The following EPHA3 variants were observed in gnomAD, a reference collection of about 807,000 sequenced individuals.
EPHA3 encodes the protein ephrin type-A receptor 3.
EPHA3 carries 42 observed loss-of-function variants against 107.1 expected under a neutral mutation model. The observed-to-expected ratio is 0.39, with a 90% CI of 0.31 to 0.51. The LOEUF is 0.51. Among genes scored for constraint, EPHA3 ranks in the 20% least tolerant of loss-of-function variants. The probability of loss-of-function intolerance (pLI) is 0.78; values close to 1 mark genes in which losing one functional copy is unlikely to be tolerated. For synonymous variants in EPHA3, 461 were observed against 424.8 expected (o/e 1.09, Z -1.05); for missense variants, 1,183 against 1,211.2 (o/e 0.98, Z 0.35).
At chr3:89,368,719 A>G (rs191792541) in intron 5 of EPHA3, among the ~76,000 whole-genome samples, 9 of 150,464 alleles carry the variant, frequency 6.0e-5, no homozygotes, top group Admixed American at 2.0e-4. Flanking sequence ...GGGTTGGATG[A>G]TGCCCACCCA....
intron 3 of EPHA3, among the ~76,000 whole-genome samples, chr3:89,305,718 T>G (rs1335253802): frequency 6.6e-6 from 1 of 152,104 alleles, no homozygotes; most frequent in Non-Finnish European, 1.5e-5. Context: ...CTGCTTCCAC[T>G]TTCACATTAT....
At chr3:89,283,138 G>A (rs1421872386) in intron 3 of EPHA3, among the ~76,000 whole-genome samples, 1 of 152,086 alleles carries the variant, frequency 6.6e-6, no homozygotes. Context: ...GCATGAACAA[G>A]TTTTAACTAT....
At chr3:89,115,600 C>T (rs1417165010) in intron 1 of EPHA3, among the ~76,000 whole-genome samples, 2 of 152,160 alleles carry the variant, frequency 1.3e-5, no homozygotes, top group Non-Finnish European at 2.9e-5. Flanking sequence ...AATATATCCT[C>T]AGTGCCGTGT....
intron 5 of EPHA3, among the ~76,000 whole-genome samples, chr3:89,351,862 G>T: frequency 6.8e-6 from 1 of 146,894 alleles, no homozygotes; most frequent in South Asian, 2.1e-4. Flanking sequence ...AACATATACT[G>T]ATATAATATA....
chr3:89,265,031 G>A (rs1360257263), intron 3 of EPHA3, among the ~76,000 whole-genome samples: 2 of 151,946 alleles, frequency 1.3e-5, no homozygotes, highest in African/African-American at 4.8e-5. Context: ...AGACAGAATT[G>A]CAGACATTTA....
chr3:89,313,327 C>T (rs1330895260), intron 3 of EPHA3, among the ~76,000 whole-genome samples: 1 of 151,912 alleles, frequency 6.6e-6, no homozygotes, highest in Non-Finnish European at 1.5e-5. Flanking sequence ...TTCATTCCCT[C>T]ACATTTAATT....
chr3:89,141,012 C>G (rs1203096366), intron 2 of EPHA3, among the ~76,000 whole-genome samples: 1 of 151,524 alleles, frequency 6.6e-6, no homozygotes, highest in East Asian at 1.9e-4. Flanking sequence ...CAAGAGAGAA[C>G]AGTAAGGCCC....
chr3:89,277,773 T>C (rs958543199), intron 3 of EPHA3, among the ~76,000 whole-genome samples: 1 of 152,158 alleles, frequency 6.6e-6, no homozygotes, highest in Admixed American at 6.6e-5. Context: ...GACTATTCCT[T>C]TTCCCATTTA....
At chr3:89,183,558 C>G (rs1389436701) in intron 2 of EPHA3, among the ~76,000 whole-genome samples, 1 of 151,684 alleles carries the variant, frequency 6.6e-6, no homozygotes, top group African/African-American at 2.4e-5. Context: ...ATAATTATTG[C>G]CTAAAGTTCT....
rs544895253 is a variant in EPHA3 at position 89,348,011 on chromosome 3, A to T, written c.1306+5921A>T. Among the ~76,000 whole-genome samples, 236 of 150,152 alleles carry T rather than the reference A, an allele frequency of 1.6e-3. 1 individual carries two copies. The highest frequency in any genetic ancestry group is 5.4e-3 in the African/African-American group (221 of 41,004). ...GCTTTTTGATGTGCTGCTGGATTCG[A>T]TTTGCCAGTATTTTATTGAGGATTT... On this transcript the variant is annotated intron_variant, in intron 5 of 16. Coordinates refer to ENST00000336596, the MANE Select transcript of EPHA3 (RefSeq NM_005233.6).
At chr3:89,171,189 T>C (rs1031055120) in intron 2 of EPHA3, among the ~76,000 whole-genome samples, 22 of 152,180 alleles carry the variant, frequency 1.4e-4, no homozygotes, top group African/African-American at 4.3e-4. Context: ...TGAACTGTTA[T>C]ATAGCAGGCT....
chr3:89,133,873 G>C (rs1704256289), intron 2 of EPHA3, among the ~76,000 whole-genome samples: 1 of 152,006 alleles, frequency 6.6e-6, no homozygotes, highest in Non-Finnish European at 1.5e-5. Flanking sequence ...TGCAAGTTTG[G>C]CTTTGGGAAG....
chr3:89,295,072 T>C (rs1257885746), intron 3 of EPHA3, among the ~76,000 whole-genome samples: 1 of 152,152 alleles, frequency 6.6e-6, no homozygotes. Flanking sequence ...TGTATACACA[T>C]ACCTTGGAAA....
chr3:89,400,150 T>A, intron 7 of EPHA3: 1 of 750,694 alleles, frequency 1.3e-6, no homozygotes, highest in Non-Finnish European at 1.7e-6. Context: ...ATAAAATGAG[T>A]AGAAGTTAAT....
chr3:89,454,895 G>A (rs1215156686), intron 15 of EPHA3, among the ~76,000 whole-genome samples: 1 of 152,042 alleles, frequency 6.6e-6, no homozygotes, highest in Non-Finnish European at 1.5e-5. Context: ...TCAGGAGGCT[G>A]TAGCAGAAGG....
chr3:89,427,706 C>A (rs1576372522), intron 11 of EPHA3, among the ~76,000 whole-genome samples: 1 of 151,910 alleles, frequency 6.6e-6, no homozygotes, highest in South Asian at 2.1e-4. Context: ...AATTGTATTA[C>A]CTCAACAAGT....
chr3:89,317,022 C>T (rs575792199), intron 3 of EPHA3, among the ~76,000 whole-genome samples: 1 of 151,606 alleles, frequency 6.6e-6, no homozygotes, highest in South Asian at 2.1e-4. Context: ...TCCAACTTAC[C>T]GTACCATATC....
At chr3:89,381,313 G>T (rs1434886723) in intron 5 of EPHA3, among the ~76,000 whole-genome samples, 2 of 151,812 alleles carry the variant, frequency 1.3e-5, no homozygotes, top group Non-Finnish European at 2.9e-5. Flanking sequence ...AAACATCAAA[G>T]AGTGCATCAT....
intron 2 of EPHA3, among the ~76,000 whole-genome samples, chr3:89,145,015 T>G (rs1032757270): frequency 1.3e-5 from 2 of 151,654 alleles, no homozygotes; most frequent in African/African-American, 4.8e-5. Flanking sequence ...TTTAACAGGG[T>G]AAAAATAAAA....
Sources: gnomAD v4.1 joint callset for allele counts (sites outside exome capture counted in the v4.1 genomes callset) on GRCh38, gnomAD v4.1.1 for gene constraint, MANE v1.5 for transcripts, NCBI Gene and HGNC (gene_info 2026-07-23, HGNC 2026-07-21) for gene names.